Variants in C2CD3 observed in about 807,000 individuals in gnomAD.
C2CD3 encodes the protein C2 domain-containing protein 3.
C2CD3 carries 148 observed loss-of-function variants against 234.0 expected under a neutral mutation model. The observed-to-expected ratio is 0.63, with a 90% CI of 0.55 to 0.72. C2CD3 has a LOEUF of 0.72. C2CD3 is among the 30% of genes least tolerant of loss of function. The pLI, the probability that C2CD3 is intolerant of heterozygous loss-of-function variation, is 0.00. For missense variants in C2CD3, 2,577 were observed against 2,811.5 expected (o/e 0.92, Z 1.89); for synonymous variants, 1,000 against 1,035.4 (o/e 0.97, Z 0.66).
At chr11:74,080,471 G>A (rs1955297145) in intron 22 of C2CD3, among the ~76,000 whole-genome samples, 1 of 152,058 alleles carries the variant, frequency 6.6e-6, no homozygotes, top group African/African-American at 2.4e-5. Flanking sequence ...TCAAATGAAA[G>A]CTATTATGCC....
intron 12 of C2CD3, among the ~76,000 whole-genome samples, chr11:74,108,457 T>C (rs1956616352): frequency 6.6e-6 from 1 of 152,218 alleles, no homozygotes; most frequent in Non-Finnish European, 1.5e-5. Flanking sequence ...TTGATTTACA[T>C]TATGCCAGCT....
rs557036103 is a variant in C2CD3, at chr11:74,072,580, G to A, written c.4951+1673C>T. Among the ~76,000 whole-genome samples, 12 of 152,288 alleles carry A rather than the reference G, an allele frequency of 7.9e-5. No homozygotes were observed. In the East Asian group the frequency reaches 1.7e-3, roughly 22 times the overall value. On this transcript the variant is annotated intron_variant, in intron 24 of 32. Coordinates refer to ENST00000334126, the MANE Select transcript of C2CD3 (RefSeq NM_001286577.2). ...GTTAATCACAGCCATTTACAGATGAGAAATTCAAGACAGAGAGAAAGAATA... is the reference window on the plus strand; with the variant it reads ...GTTAATCACAGCCATTTACAGATGAAAAATTCAAGACAGAGAGAAAGAATA...
chr11:74,035,227 G>C (rs1391674620), intron 30 of C2CD3, among the ~76,000 whole-genome samples: 1 of 152,210 alleles, frequency 6.6e-6, no homozygotes, highest in Non-Finnish European at 1.5e-5. Context: ...AAAGGAATGG[G>C]TAGATAGACG....
chr11:74,163,301 C>A (rs1309213529), intron 2 of C2CD3, among the ~76,000 whole-genome samples: 1 of 152,216 alleles, frequency 6.6e-6, no homozygotes, highest in Admixed American at 6.5e-5. Flanking sequence ...GCAAGCAGAA[C>A]ACTAGTACAG....
rs769961203 is a variant in C2CD3, at chr11:74,028,401, A to G, written c.6810-3T>C. The stretch of plus-strand genomic sequence containing the variant: ...TGGGCACCACAATGGGCCCTGGGCT[A>G]CAATGGTAGTTAAGGGACAAAAATA... On this transcript the variant is annotated splice_region_variant and splice_polypyrimidine_tract_variant and intron_variant, in intron 31 of 32. Transcript: ENST00000334126. The G allele has an allele frequency of 5.9e-6, 9 of 1,531,840 alleles. No homozygotes were observed. The highest frequency in any genetic ancestry group is 7.9e-6 in the Non-Finnish European group (9 of 1,143,652). The allele number at this position is 1,531,840 out of a possible 1,614,324, so 94.9% of individuals were successfully genotyped here.
intron 20 of C2CD3, among the ~76,000 whole-genome samples, chr11:74,087,181 T>A (rs1381331599): frequency 6.6e-6 from 1 of 152,240 alleles, no homozygotes; most frequent in East Asian, 1.9e-4. Context: ...AGAAGATTAA[T>A]GTGCATCCAT....
intron 7 of C2CD3, among the ~76,000 whole-genome samples, chr11:74,124,987 C>T (rs1957361367): frequency 6.6e-6 from 1 of 152,146 alleles, no homozygotes; most frequent in Admixed American, 6.5e-5. Context: ...ATTCTCATGA[C>T]TATCCTTTTC....
At chr11:74,014,985 T>C (rs1386352885) in intron 32 of C2CD3, among the ~76,000 whole-genome samples, 1 of 152,252 alleles carries the variant, frequency 6.6e-6, no homozygotes, top group African/African-American at 2.4e-5. Context: ...TCTATCTCCC[T>C]GCCTTCTAGG....
chr11:74,114,440 G>T lies in C2CD3; in HGVS notation c.1674C>A (p.Thr558=). 1 of 1,613,896 alleles carries T rather than the reference G, an allele frequency of 6.2e-7. No homozygotes were observed. The highest frequency in any genetic ancestry group is 8.5e-7 in the Non-Finnish European group (1 of 1,179,942). Residue 558 remains threonine, a synonymous_variant, in exon 10 of 33, where the codon ACC becomes ACA. Coordinates refer to ENST00000334126, the MANE Select transcript of C2CD3 (RefSeq NM_001286577.2). ...GACCAGCATAGCTTTTTTTGCCAGG[G>T]GTCATCTGAGGACTATCTGGAGGAA... The part of the protein sequence containing the change: ...MGVPPDSPQM[T]PGKKSYAGPP...
At chr11:74,069,173 A>C (rs1414724637) in intron 24 of C2CD3, among the ~76,000 whole-genome samples, 1 of 152,246 alleles carries the variant, frequency 6.6e-6, no homozygotes, top group African/African-American at 2.4e-5. Flanking sequence ...GGAAGAAGAT[A>C]GTTCCTTATT....
At chr11:74,161,814 T>C (rs1373868545) in intron 2 of C2CD3, among the ~76,000 whole-genome samples, 3 of 131,620 alleles carry the variant, frequency 2.3e-5, no homozygotes, top group South Asian at 4.8e-4. Context: ...GAAGTTCTAC[T>C]TTTTTTTTTT....
At chr11:74,026,718 C>A (rs1000258875) in intron 32 of C2CD3, among the ~76,000 whole-genome samples, 9 of 152,048 alleles carry the variant, frequency 5.9e-5, no homozygotes, top group Admixed American at 4.6e-4. Context: ...GCCTGTAATC[C>A]CAGCACTTTG....
At chr11:74,075,011 G>A (rs748385310) in intron 23 of C2CD3, among the ~76,000 whole-genome samples, 1 of 152,178 alleles carries the variant, frequency 6.6e-6, no homozygotes, top group Non-Finnish European at 1.5e-5. Flanking sequence ...CTGAGCCCAG[G>A]AGGTTGAGGA....
intron 24 of C2CD3, among the ~76,000 whole-genome samples, chr11:74,073,936 G>T (rs918437382): frequency 1.3e-5 from 2 of 152,192 alleles, no homozygotes; most frequent in South Asian, 4.1e-4. Flanking sequence ...CATTAGGAAG[G>T]CCTGAGTTGG....
chr11:74,066,214 A>G (rs11235989), intron 24 of C2CD3, among the ~76,000 whole-genome samples: 13,095 of 122,088 alleles, frequency 0.11, 2,306 homozygotes, highest in African/African-American at 0.39. Flanking sequence ...ACCAAACACC[A>G]CATGTTCTCA....
chr11:74,056,679 G>A (rs1953963119), intron 25 of C2CD3, among the ~76,000 whole-genome samples: 1 of 152,180 alleles, frequency 6.6e-6, no homozygotes. Context: ...CACTACACCA[G>A]AAGTCTTTTC....
intron 3 of C2CD3, among the ~76,000 whole-genome samples, chr11:74,150,607 T>A (rs1855578893): frequency 6.6e-6 from 1 of 151,394 alleles, no homozygotes; most frequent in Non-Finnish European, 1.5e-5. Context: ...TTATCCAGCT[T>A]CAACAATTAT....
chr11:74,158,223 ACAAT>A (rs1856167658), intron 3 of C2CD3, among the ~76,000 whole-genome samples: 1 of 152,248 alleles, frequency 6.6e-6, no homozygotes, highest in African/African-American at 2.4e-5. Context: ...AACAAAGGAA[ACAAT>A]CAACACAGCA....
chr11:74,095,749 G>A (rs118130051), intron 16 of C2CD3, among the ~76,000 whole-genome samples: 1 of 152,034 alleles, frequency 6.6e-6, no homozygotes, highest in Non-Finnish European at 1.5e-5. Flanking sequence ...AAGAATAGAA[G>A]GCTGTTCCCT....
Sources: gnomAD v4.1 joint callset for allele counts (sites outside exome capture counted in the v4.1 genomes callset) on GRCh38, gnomAD v4.1.1 for gene constraint, MANE v1.5 for transcripts, NCBI Gene and HGNC (gene_info 2026-07-23, HGNC 2026-07-21) for gene names.